Variants in DDX52 observed in about 807,000 individuals in gnomAD.
DDX52 encodes DExD-box helicase 52, also known as probable ATP-dependent RNA helicase DDX52.
Under a neutral mutation model 76.1 loss-of-function variants are expected in DDX52, and 59 were observed. The ratio of observed to expected loss-of-function variants is 0.78; its 90% CI spans 0.63 to 0.96. The LOEUF (loss-of-function observed/expected upper bound fraction) is 0.96. Among genes scored for constraint, DDX52 ranks in the 40% least tolerant of loss-of-function variants. The pLI, the probability that DDX52 is intolerant of heterozygous loss-of-function variation, is 0.00. For synonymous variants in DDX52, 231 were observed against 244.1 expected, an observed-to-expected ratio of 0.95 and a Z score of 0.50; for missense variants, 707 against 703.9, an observed-to-expected ratio of 1.00 and a Z score of -0.05.
At chr17:37,642,401 C>T (rs1174057783) in intron 1 of DDX52, 93 bp from the exon 2 acceptor site, 7 of 1,373,516 alleles carry the variant, frequency 5.1e-6, no homozygotes, top group Non-Finnish European at 6.9e-6. Flanking sequence ...ATCTTTTCTA[C>T]CCTTTCACCA....
rs2030602007 is a variant in DDX52 at position 37,630,081 on chromosome 17, ATTTGCGGG to A, written c.688_695del (p.Pro230Ter). The A allele has an allele frequency of 6.2e-7, 1 of 1,613,892 alleles. No individual in the cohort carries two copies. The highest frequency in any genetic ancestry group is 1.7e-5 in the Admixed American group (1 of 59,940). On this transcript the variant is annotated frameshift_variant, in exon 5 of 15. Transcript: ENST00000617633. LOFTEE classifies it high-confidence loss of function. ...ATATAATCAGGGCTCTGAAGCCTTT[ATTTGCGGG>A]TTGTTTCAGCTGCATTAAAATAGGA...
chr17:37,636,658 T>C (rs1439271878), intron 2 of DDX52, among the ~76,000 whole-genome samples: 1 of 152,182 alleles, frequency 6.6e-6, no homozygotes, highest in East Asian at 1.9e-4. Flanking sequence ...ACAGTGAAGC[T>C]TCGGTAGAAG....
At position 37,626,795 on chromosome 17, in the gene DDX52, G is replaced by T. The variant is rs542367577; in HGVS notation, c.925C>A (p.Leu309Ile). Residue 309 changes from leucine (L) to isoleucine (I), a missense_variant, in exon 7 of 15, where the codon CTA (leucine) becomes ATA (isoleucine). Leu to Ile is a conservative substitution (Grantham distance 5). Transcript: ENST00000617633. The stretch of plus-strand genomic sequence containing the variant: ...TGAAAATATCATCTATACCTTGCTA[G>T]GTCGATTCCGGGGGGATCTTGCTTT... ...LLKQDPPGID[L>I]ASVEWLVVDE... is the part of the protein sequence containing the mutation. 1.2e-5 allele frequency: 20 copies of T among 1,611,414 alleles called. 1 individual carries two copies. In the South Asian group the frequency reaches 2.2e-4, roughly 18 times the overall value.
At chr17:37,621,372 G>A (rs1354796774) in intron 10 of DDX52, 26 bp downstream of exon 10, 3 of 1,601,330 alleles carry the variant, frequency 1.9e-6, no homozygotes. Context: ...GTTCTTCTGA[G>A]TTTCAAAGTA....
intron 6 of DDX52, among the ~76,000 whole-genome samples, chr17:37,627,530 G>A (rs1403186984): frequency 1.3e-5 from 2 of 151,970 alleles, no homozygotes; most frequent in African/African-American, 4.8e-5. Flanking sequence ...ACAGGCATGA[G>A]CCACAATACC....
intron 7 of DDX52, 117 bp downstream of exon 7, chr17:37,626,671 A>C (rs1773552520): frequency 1.0e-6 from 1 of 956,632 alleles, no homozygotes; most frequent in Non-Finnish European, 1.6e-6. Context: ...CAGTGCCAAC[A>C]CTGACTGAAG....
intron 13 of DDX52, 38 bp from the exon 14 acceptor site, chr17:37,618,422 G>T: frequency 6.7e-7 from 1 of 1,493,420 alleles, no homozygotes; most frequent in Non-Finnish European, 9.0e-7. Flanking sequence ...AGAATTAAGT[G>T]CAACTTCAAT....
In DDX52 at chr17:37,628,662, T is replaced by G. The variant is rs189434524; in HGVS notation, c.758A>C (p.Glu253Ala). Residue 253 changes from glutamate (E) to alanine (A), a missense_variant, in exon 6 of 15, where the codon GAG becomes GCG. Coordinates refer to ENST00000617633, the MANE Select transcript of DDX52 (RefSeq NM_007010.5). ...TRELASQIHR[E>A]LIKISEGTGF... Reference sequence around the variant, plus strand: ...TGTTCCCTCAGAAATTTTTATTAACTCTCTGTGAATCTAAAAAAAAAAAGA... The same window carrying G: ...TGTTCCCTCAGAAATTTTTATTAACGCTCTGTGAATCTAAAAAAAAAAAGA... 1 of 1,587,742 alleles carries G rather than the reference T, an allele frequency of 6.3e-7. No individual in the cohort carries two copies. Among genetic ancestry groups the G allele is most frequent in the Non-Finnish European group, 8.5e-7 (1 of 1,170,868 alleles).
intron 6 of DDX52, among the ~76,000 whole-genome samples, chr17:37,628,118 T>C (rs1294202984): frequency 1.3e-5 from 2 of 152,124 alleles, no homozygotes; most frequent in East Asian, 1.9e-4. Flanking sequence ...TGCCAGAGTA[T>C]TTCCATGGCA....
At position 37,611,098 on chromosome 17, in the gene DDX52, G is replaced by A. The variant is rs149656366; in HGVS notation, c.*3198C>T. On this transcript the variant is annotated 3_prime_UTR_variant, in exon 15 of 15. Transcript: ENST00000617633. Reference sequence around the variant, plus strand: ...TTTGCAGGATTCAACTCAGGATGTCGGCCTTCCATGACATCCCCAATCTGG... The same window carrying A: ...TTTGCAGGATTCAACTCAGGATGTCAGCCTTCCATGACATCCCCAATCTGG... 4 of 152,226 alleles carry A rather than the reference G, an allele frequency of 2.6e-5. No homozygotes were observed. In the East Asian group the frequency reaches 5.8e-4, roughly 22 times the overall value. 9.4% of individuals were successfully genotyped at this position (152,226 alleles called of 1,614,324 possible). A position where few individuals can be genotyped will look rare whatever the true frequency, so the allele number is the denominator to read the frequency against.
At chr17:37,633,519 G>T in intron 2 of DDX52, 101 bp from the exon 3 acceptor site, 3 of 952,648 alleles carry the variant, frequency 3.1e-6, no homozygotes, top group Non-Finnish European at 4.1e-6. Flanking sequence ...AAGGGTGGGT[G>T]GTGGTGCAAG....
In DDX52 at chr17:37,612,885, C is replaced by CT. The variant is rs770007110; in HGVS notation, c.*1410dup. 1.3e-5 allele frequency: 2 copies of CT among 152,112 alleles called. No homozygotes were observed. The highest frequency in any genetic ancestry group is 2.9e-5 in the Non-Finnish European group (2 of 68,008). 9.4% of individuals were successfully genotyped at this position (152,112 alleles called of 1,614,324 possible). A position where few individuals can be genotyped will look rare whatever the true frequency, so the allele number is the denominator to read the frequency against. On this transcript the variant is annotated 3_prime_UTR_variant, in exon 15 of 15. Transcript: ENST00000617633. The stretch of plus-strand genomic sequence containing the variant: ...TGGCAAATGGGTTGCACCAGTATAC[C>CT]TACCTCCAGAATATATATTGGGTAA...
At chr17:37,620,676 C>A in intron 12 of DDX52, 197 bp downstream of exon 12, 1 of 470,696 alleles carries the variant, frequency 2.1e-6, no homozygotes, top group Non-Finnish European at 3.7e-6. Flanking sequence ...TATGTATTTC[C>A]AAATTCTAAT....
At chr17:37,642,578 A>G (rs1568613582) in intron 1 of DDX52, 2 of 434,116 alleles carry the variant, frequency 4.6e-6, no homozygotes, top group East Asian at 4.3e-5. Context: ...CACATTTACA[A>G]CTCTATAAGG....
intron 13 of DDX52, 49 bp downstream of exon 13, chr17:37,619,719 T>C (rs1384150481): frequency 6.7e-7 from 1 of 1,492,752 alleles, no homozygotes; most frequent in South Asian, 1.2e-5. Flanking sequence ...AAAAAAAGAA[T>C]GTATATACAA....
chr17:37,639,566 T>TTAG, intron 2 of DDX52: 2 of 432,772 alleles, frequency 4.6e-6, no homozygotes, highest in Non-Finnish European at 6.2e-6. Flanking sequence ...TGAAACCCTG[T>TTAG]CTCTAATAAA....
chr17:37,619,774 A>T lies in DDX52; in HGVS notation c.1643T>A (p.Leu548Gln). ...VPEYIKGFQKLLSKQKKKMIK... is the reference protein window; with the variant it reads ...VPEYIKGFQKQLSKQKKKMIK... ...GGTAAATTCAAGATTGTACCTTAGT[A>T]GTTTCTGAAAACCTTTTATGTATTC... The change falls in exon 13 of 15, where the codon CTA becomes CAA. Residue 548 changes from leucine to glutamine, a missense_variant. Physicochemically the swap from Leu to Gln is moderately radical, Grantham distance 113 (BLOSUM62 -2). Transcript: ENST00000617633. 6.2e-7 allele frequency: 1 copy of T among 1,613,554 alleles called. No individual in the cohort carries two copies.
rs1432165930 is a variant in DDX52, at chr17:37,611,115, C to T, written c.*3181G>A. The T allele has an allele frequency of 6.6e-6, 1 of 152,320 alleles. No homozygotes were observed. Among genetic ancestry groups the T allele is most frequent in the East Asian group, 1.9e-4 (1 of 5,190 alleles). 9.4% of individuals were successfully genotyped at this position (152,320 alleles called of 1,614,324 possible). On this transcript the variant is annotated 3_prime_UTR_variant, in exon 15 of 15. Coordinates refer to ENST00000617633, the MANE Select transcript of DDX52 (RefSeq NM_007010.5). ...AGGATGTCGGCCTTCCATGACATCC[C>T]CAATCTGGGTTAGATGCCCTCTTGT...
Position 37,626,799 on chromosome 17 carries a change from G to A in DDX52, c.921C>T (p.Ile307=), listed in dbSNP as rs775114096. The change falls in exon 7 of 15, where the codon ATC becomes ATT. Residue 307 remains isoleucine (I), a synonymous_variant. Coordinates refer to ENST00000617633, the MANE Select transcript of DDX52 (RefSeq NM_007010.5). ...AATATCATCTATACCTTGCTAGGTCGATTCCGGGGGGATCTTGCTTTAATA... is the reference window on the plus strand; with the variant it reads ...AATATCATCTATACCTTGCTAGGTCAATTCCGGGGGGATCTTGCTTTAATA... ...IYLLKQDPPG[I]DLASVEWLVV... 27 of 1,611,372 alleles carry A rather than the reference G, an allele frequency of 1.7e-5. No individual in the cohort carries two copies. In the East Asian group the frequency reaches 2.5e-4, roughly 15 times the overall value.
Sources: gnomAD v4.1 joint callset for allele counts (sites outside exome capture counted in the v4.1 genomes callset) on GRCh38, gnomAD v4.1.1 for gene constraint, MANE v1.5 for transcripts, NCBI Gene and HGNC (gene_info 2026-07-23, HGNC 2026-07-21) for gene names.